The following NCLN variants were observed in gnomAD, a reference collection of about 807,000 sequenced individuals.
NCLN encodes nicalin, also known as BOS complex subunit NCLN.
A neutral mutation model predicts 69.5 loss-of-function variants in NCLN; 34 were observed. The observed-to-expected ratio is 0.49, with a 90% confidence interval of 0.37 to 0.65. The LOEUF is 0.65. Among genes scored for constraint, NCLN ranks in the 30% least tolerant of loss-of-function variants. The pLI is 0.00. For missense variants in NCLN, 710 were observed against 804.8 expected (o/e 0.88, Z 1.42); for synonymous variants, 393 against 358.3 (o/e 1.10, Z -1.09).
intron 1 of NCLN, among the ~76,000 whole-genome samples, chr19:3,189,133 C>T (rs575576873): frequency 6.6e-5 from 10 of 152,344 alleles, no homozygotes; most frequent in African/African-American, 2.4e-4. Flanking sequence ...CTGGGTCTCA[C>T]TGGCCAGGTG....
intron 11 of NCLN, 25 bp downstream of exon 11, chr19:3,206,215 G>C: frequency 1.0e-6 from 1 of 993,198 alleles, no homozygotes. Context: ...CCAGTGGGTG[G>C]GTGGGTGGGC....
In NCLN at chr19:3,205,719, G is replaced by A. The variant is rs867107296; in HGVS notation, c.1209-220G>A. 3.7e-5 allele frequency: 21 copies of A among 564,190 alleles called. No homozygotes were observed. Among genetic ancestry groups the A allele is most frequent in the Middle Eastern group, 9.4e-4 (2 of 2,138 alleles). The allele number at this position is 564,190 out of a possible 1,614,324, so 34.9% of individuals were successfully genotyped here. ...GCCTCAGGGCGTGAGCCTTACCTGC[G>A]CACAGGGACGGGTCAGGGCAAGGGG... On this transcript the variant is annotated intron_variant, in intron 9 of 14. Transcript: ENST00000246117. The surrounding 1 kb of genome is among the most constrained non-coding windows in gnomAD (Gnocchi z 4.6).
Position 3,203,989 on chromosome 19 carries a change from T to C in NCLN, c.890-16T>C, listed in dbSNP as rs1401483467. ...CCTGGTCCCCACCCACCCCGCCAGCTCTCGGTGTCCTGCAGACTCCAGCCT... is the reference window on the plus strand; with the variant it reads ...CCTGGTCCCCACCCACCCCGCCAGCCCTCGGTGTCCTGCAGACTCCAGCCT... On this transcript the variant is annotated splice_polypyrimidine_tract_variant and intron_variant, in intron 7 of 14. Transcript: ENST00000246117. The C allele has an allele frequency of 1.3e-6, 2 of 1,554,864 alleles. No homozygotes were observed. Among genetic ancestry groups the C allele is most frequent in the Admixed American group, 1.9e-5 (1 of 52,072 alleles).
chr19:3,198,504 C>T (rs1213079887), intron 4 of NCLN, among the ~76,000 whole-genome samples: 1 of 141,174 alleles, frequency 7.1e-6, no homozygotes, highest in Non-Finnish European at 1.5e-5. Flanking sequence ...GAGATTCCGT[C>T]TCAAAAAAAA....
chr19:3,196,654 T>C (rs1670235973), intron 4 of NCLN, among the ~76,000 whole-genome samples: 2 of 152,118 alleles, frequency 1.3e-5, no homozygotes, highest in African/African-American at 4.8e-5. Flanking sequence ...ACCTCACCCG[T>C]CAGCCCAGAC....
chr19:3,195,756 A>C (rs1355800747), intron 3 of NCLN, among the ~76,000 whole-genome samples: 1 of 151,816 alleles, frequency 6.6e-6, no homozygotes, highest in African/African-American at 2.4e-5. Context: ...GCGTCACTGT[A>C]CTCCAGCCTG....
At chr19:3,196,083 G>T in intron 3 of NCLN, 100 bp from the exon 4 acceptor site, 1 of 723,022 alleles carries the variant, frequency 1.4e-6, no homozygotes, top group Non-Finnish European at 2.2e-6. Context: ...CGGCTGGTTG[G>T]CTCTGCCCGA....
rs774012077 is a variant in NCLN, at chr19:3,201,676, G to A, written c.800+50G>A. ...ATGGGGGTGCGGGGGCCACACTGCC[G>A]GACAGCGCTGCCCACCAGGCACCTC... On this transcript the variant is annotated intron_variant, in intron 6 of 14. Transcript: ENST00000246117. 3.6e-5 allele frequency: 49 copies of A among 1,344,362 alleles called. No homozygotes were observed. The Admixed American group carries it at 4.5e-4, about 12-fold the overall frequency. 83.3% of individuals were successfully genotyped at this position (1,344,362 alleles called of 1,614,324 possible).
Position 3,204,037 on chromosome 19 carries a change from G to A in NCLN, c.922G>A (p.Val308Met), listed in dbSNP as rs1480880606. The part of the protein sequence containing the change: ...SSLLQDNVAF[V>M]LCLDTVGRGS... ...CCTGCTTCAGGACAATGTGGCCTTC[G>A]TGCTGTGCCTGGACACCGTGGGCCG... The change falls in exon 8 of 15, where the codon GTG becomes ATG. Residue 308 changes from valine (V) to methionine (M), a missense_variant. Coordinates refer to ENST00000246117, the MANE Select transcript of NCLN (RefSeq NM_020170.4). 7 of 1,575,026 alleles carry A rather than the reference G, an allele frequency of 4.4e-6. No individual in the cohort carries two copies. Among genetic ancestry groups the A allele is most frequent in the South Asian group, 1.2e-5 (1 of 86,836 alleles).
At position 3,204,565 on chromosome 19, in the gene NCLN, G is replaced by A. The variant is rs764764494; in HGVS notation, c.1030-8G>A. 2.2e-5 allele frequency: 33 copies of A among 1,526,536 alleles called. No homozygotes were observed. The African/African-American group carries it at 2.7e-4, about 12-fold the overall frequency. 94.6% of individuals were successfully genotyped at this position (1,526,536 alleles called of 1,614,324 possible). A position where few individuals can be genotyped will look rare whatever the true frequency, so the allele number is the denominator to read the frequency against. On this transcript the variant is annotated splice_polypyrimidine_tract_variant and splice_region_variant and intron_variant, in intron 8 of 14. Coordinates refer to ENST00000246117, the MANE Select transcript of NCLN (RefSeq NM_020170.4). ...CCTGCCCTCTGCTAATGGCGCCTCC[G>A]GCTGCAGGTGGCCGCGCACCAGTTC...
Position 3,205,984 on chromosome 19 carries a change from T to G in NCLN, c.1254T>G (p.Ile418Met). 1.2e-6 allele frequency: 2 copies of G among 1,613,712 alleles called. No individual in the cohort carries two copies. Among genetic ancestry groups the G allele is most frequent in the Admixed American group, 3.3e-5 (2 of 60,008 alleles). ...CCCTGACCCGTAACACGAGGATCATTGCAGAGGCCCTGACTCGAGTCATCT... is the reference window on the plus strand; with the variant it reads ...CCCTGACCCGTAACACGAGGATCATGGCAGAGGCCCTGACTCGAGTCATCT... ...SKTLTRNTRIIAEALTRVIYN... is the reference protein window; with the variant it reads ...SKTLTRNTRIMAEALTRVIYN... Residue 418 changes from isoleucine (I) to methionine (M), a missense_variant, in exon 10 of 15, where the codon ATT (isoleucine) becomes ATG (methionine). Physicochemically the swap from Ile to Met is conservative, Grantham distance 10. Coordinates refer to ENST00000246117, the MANE Select transcript of NCLN (RefSeq NM_020170.4). The surrounding 1 kb of genome is among the most constrained non-coding windows in gnomAD (Gnocchi z 4.6).
At chr19:3,191,003 C>T (rs77704832) in intron 1 of NCLN, among the ~76,000 whole-genome samples, 14,322 of 139,744 alleles carry the variant, frequency 0.1, 781 homozygotes, top group East Asian at 0.15. Flanking sequence ...GTGGCCATCG[C>T]GGTGTGTGGC....
chr19:3,197,408 C>A (rs1383005296), intron 4 of NCLN, among the ~76,000 whole-genome samples: 1 of 152,216 alleles, frequency 6.6e-6, no homozygotes, highest in Non-Finnish European at 1.5e-5. Context: ...CCACAGCCGG[C>A]CCTCTACCTG....
intron 1 of NCLN, among the ~76,000 whole-genome samples, chr19:3,190,764 G>A (rs544936590): frequency 3.3e-5 from 5 of 151,666 alleles, no homozygotes; most frequent in Non-Finnish European, 4.4e-5. Context: ...GCCTGTACCC[G>A]GCCCCCCTGC....
intron 8 of NCLN, 21 bp downstream of exon 8, chr19:3,204,165 T>C (rs2144916581): frequency 6.7e-7 from 1 of 1,502,980 alleles, no homozygotes; most frequent in South Asian, 1.3e-5. Flanking sequence ...CTTTCATGGA[T>C]GGGTCCGGAG....
rs903476582 is a variant in NCLN at position 3,206,442 on chromosome 19, G to A, written c.1499+17G>A. On this transcript the variant is annotated intron_variant, in intron 12 of 14. Transcript: ENST00000246117. ...TGACAAGCGGTGAGGCTGGGGCTCC[G>A]CGCTGGCCCCGTTCAGCCTGGGGCC... is the stretch of plus-strand genomic sequence containing the variant. The A allele has an allele frequency of 8.4e-6, 13 of 1,541,082 alleles. No individual in the cohort carries two copies. In the South Asian group the frequency reaches 9.6e-5, roughly 11 times the overall value.
intron 5 of NCLN, among the ~76,000 whole-genome samples, chr19:3,199,276 G>A (rs1466008206): frequency 2.0e-5 from 3 of 152,260 alleles, no homozygotes; most frequent in Non-Finnish European, 4.4e-5. Context: ...AGGGAAAGGC[G>A]CGTGCGGTGA....
At chr19:3,204,514 A>G in intron 8 of NCLN, 59 bp from the exon 9 acceptor site, 1 of 1,456,176 alleles carries the variant, frequency 6.9e-7, no homozygotes, top group East Asian at 2.6e-5. Flanking sequence ...CATTTGGGGA[A>G]TGGGCTGGGG....
At chr19:3,207,168 G>T (rs1351493739) in intron 12 of NCLN, 30 bp from the exon 13 acceptor site, 1 of 1,612,528 alleles carries the variant, frequency 6.2e-7, no homozygotes, top group Non-Finnish European at 8.5e-7. Context: ...GGGCGCAGTG[G>T]TGCCCCCTGA....
Sources: allele counts gnomAD v4.1 joint callset (sites outside exome capture counted in the v4.1 genomes callset), GRCh38; gene constraint gnomAD v4.1.1; non-coding constraint Gnocchi (gnomAD v3.1); transcripts MANE v1.5; gene names NCBI Gene and HGNC (gene_info 2026-07-23, HGNC 2026-07-21).